UXS1: variants seen among roughly 807,000 people sequenced by gnomAD.
UXS1 encodes the protein UDP-glucuronic acid decarboxylase 1.
In UXS1, 33 loss-of-function variants were observed where a neutral mutation model predicts 62.6. That is an observed-to-expected ratio of 0.53 (90% CI 0.40 to 0.70). UXS1 has a LOEUF of 0.70. Among genes scored for constraint, UXS1 ranks in the 30% least tolerant of loss-of-function variants. UXS1 has a pLI of 0.00. For missense variants in UXS1, 434 were observed against 556.3 expected, an observed-to-expected ratio of 0.78 and a Z score of 2.21; for synonymous variants, 213 against 206.8, an observed-to-expected ratio of 1.03 and a Z score of -0.26.
chr2:106,106,985 A>AT lies in UXS1; in HGVS notation c.880-2149dup, dbSNP rs199704200. Among the ~76,000 whole-genome samples the AT allele has an allele frequency of 8.9e-3, 1,350 of 151,744 alleles. 8 individuals are homozygous for AT. The highest frequency in any genetic ancestry group is 0.016 in the Non-Finnish European group (1,113 of 67,888). On this transcript the variant is annotated intron_variant, in intron 10 of 14. Coordinates refer to ENST00000283148, the MANE Select transcript of UXS1 (RefSeq NM_001253875.2). ...TTCATAATTTCAGAACTACCTGTAG[A>AT]TTTTTTTTTCTTTTTTCAAACTGTG...
chr2:106,154,081 A>G (rs1222000609), intron 5 of UXS1, among the ~76,000 whole-genome samples: 2 of 152,228 alleles, frequency 1.3e-5, no homozygotes, highest in Non-Finnish European at 1.5e-5. Flanking sequence ...CAGGACACCA[A>G]TAAGTGCATC....
chr2:106,104,900 T>G (rs1677927674), intron 10 of UXS1, 63 bp from the exon 11 acceptor site: 1 of 1,602,524 alleles, frequency 6.2e-7, no homozygotes, highest in African/African-American at 1.3e-5. Context: ...TAGGTGTCCT[T>G]GAAACTCCAG....
At chr2:106,111,599 G>C (rs1678614566) in intron 10 of UXS1, among the ~76,000 whole-genome samples, 1 of 152,200 alleles carries the variant, frequency 6.6e-6, no homozygotes, top group Admixed American at 6.5e-5. Flanking sequence ...GGCCACCTAA[G>C]CTTGGGCAAC....
In UXS1 at chr2:106,128,655, G is replaced by A. The variant is rs180732450; in HGVS notation, c.577+1019C>T. ...TGGTTCTCTTTCTTGCTTGCAGAAG[G>A]CAGACGGTGGGACTTCTTGACCTCC... is the stretch of plus-strand genomic sequence containing the variant. On this transcript the variant is annotated intron_variant, in intron 7 of 14. Coordinates refer to ENST00000283148, the MANE Select transcript of UXS1 (RefSeq NM_001253875.2). Among the ~76,000 whole-genome samples the A allele has an allele frequency of 2.2e-4, 34 of 152,258 alleles. No individual in the cohort carries two copies. In the East Asian group the frequency reaches 6.4e-3, roughly 29 times the overall value.
intron 1 of UXS1, among the ~76,000 whole-genome samples, chr2:106,178,900 A>T (rs188809799): frequency 9.9e-4 from 151 of 152,366 alleles, no homozygotes; most frequent in African/African-American, 3.6e-3. Flanking sequence ...CTTCCTGACC[A>T]AGAAATAATC....
At chr2:106,148,057 CACCCAG>C (rs1681710448) in intron 5 of UXS1, among the ~76,000 whole-genome samples, 1 of 152,178 alleles carries the variant, frequency 6.6e-6, no homozygotes, top group South Asian at 2.1e-4. Flanking sequence ...AAGAAACTGA[CACCCAG>C]AGAAGTTACG....
At chr2:106,168,543 A>T (rs930588230) in intron 1 of UXS1, among the ~76,000 whole-genome samples, 3 of 152,254 alleles carry the variant, frequency 2.0e-5, no homozygotes, top group Non-Finnish European at 4.4e-5. Context: ...GGAAGATCCA[A>T]GAACCCTCTC....
At chr2:106,146,001 G>A (rs1681531240) in intron 5 of UXS1, among the ~76,000 whole-genome samples, 1 of 152,214 alleles carries the variant, frequency 6.6e-6, no homozygotes. Context: ...CAGCCACAGA[G>A]CACGATGAGG....
chr2:106,153,476 T>A (rs191739850), intron 5 of UXS1, among the ~76,000 whole-genome samples: 157 of 152,080 alleles, frequency 1.0e-3, no homozygotes, highest in Non-Finnish European at 2.0e-3. Context: ...CACACTGGAG[T>A]GGCGGGGACG....
chr2:106,096,658 A>C (rs1677135469), intron 14 of UXS1, 60 bp downstream of exon 14: 1 of 1,450,230 alleles, frequency 6.9e-7, no homozygotes, highest in African/African-American at 1.4e-5. Flanking sequence ...CCTACAGGAC[A>C]GCAGACACAG....
intron 1 of UXS1, among the ~76,000 whole-genome samples, chr2:106,193,923 C>T (rs1487430647): frequency 6.6e-6 from 1 of 151,918 alleles, no homozygotes; most frequent in African/African-American, 2.4e-5. Context: ...GCCCCTCCGC[C>T]CGGGGTCCGC....
chr2:106,138,606 A>T, intron 6 of UXS1: 1 of 985,566 alleles, frequency 1.0e-6, no homozygotes, highest in South Asian at 4.7e-5. Context: ...CTGAGAGAAG[A>T]GATGAGCGTA....
At chr2:106,107,374 A>G (rs568538746) in intron 10 of UXS1, among the ~76,000 whole-genome samples, 1 of 152,342 alleles carries the variant, frequency 6.6e-6, no homozygotes, top group East Asian at 1.9e-4. Flanking sequence ...CACTCATCAG[A>G]GCAGCGGTGT....
At chr2:106,121,513 C>T (rs894839198) in intron 9 of UXS1, among the ~76,000 whole-genome samples, 2 of 152,156 alleles carry the variant, frequency 1.3e-5, no homozygotes, top group Non-Finnish European at 2.9e-5. Context: ...CAATGATGTA[C>T]CCCTGACACT....
In UXS1 at chr2:106,101,205, A is replaced by C. The variant is rs1348987590; in HGVS notation, c.924-87T>G. Reference sequence around the variant, plus strand: ...ACATAGAAGCCCTCCCAGAAGAAAAATTACCACCCCCAGGAGAAAACAAAA... The same window carrying C: ...ACATAGAAGCCCTCCCAGAAGAAAACTTACCACCCCCAGGAGAAAACAAAA... On this transcript the variant is annotated intron_variant, in intron 11 of 14. Transcript: ENST00000283148. 14 of 1,364,936 alleles carry C rather than the reference A, an allele frequency of 1.0e-5. No individual in the cohort carries two copies. In the East Asian group the frequency reaches 3.4e-4, roughly 33 times the overall value. The allele number at this position is 1,364,936 out of a possible 1,614,324, so 84.6% of individuals were successfully genotyped here.
At chr2:106,175,599 CTG>C (rs1267187837) in intron 1 of UXS1, among the ~76,000 whole-genome samples, 1 of 152,182 alleles carries the variant, frequency 6.6e-6, no homozygotes, top group Admixed American at 6.5e-5. Flanking sequence ...GCCAGTGCTT[CTG>C]CCACATTTGC....
In UXS1 at chr2:106,179,288, G is replaced by A. The variant is rs1247945354; in HGVS notation, c.95-13205C>T. Reference sequence around the variant, plus strand: ...CGCTCTTGCTCTGACTTCAAACCCTGGCTCTTCCCCTGACCCTCTCCACAA... The same window carrying A: ...CGCTCTTGCTCTGACTTCAAACCCTAGCTCTTCCCCTGACCCTCTCCACAA... On this transcript the variant is annotated intron_variant, in intron 1 of 14. Coordinates refer to ENST00000283148, the MANE Select transcript of UXS1 (RefSeq NM_001253875.2). 4.0e-5 allele frequency among the ~76,000 whole-genome samples: 6 copies of A among 151,284 alleles called. No homozygotes were observed. The East Asian group carries it at 1.2e-3, about 29-fold the overall frequency.
At position 106,093,924 on chromosome 2, in the gene UXS1, A is replaced by G. The variant is rs1676859452; in HGVS notation, c.*102T>C. On this transcript the variant is annotated 3_prime_UTR_variant, in exon 15 of 15. Transcript: ENST00000283148. ...AGAATGAAATTCCAGTTTGTTCTTC[A>G]TGACACCTGTTAAAGTCTTTCTTTA... 5.7e-6 allele frequency: 8 copies of G among 1,411,108 alleles called. No individual in the cohort carries two copies. In the East Asian group the frequency reaches 1.0e-4, roughly 18 times the overall value. 87.4% of individuals were successfully genotyped at this position (1,411,108 alleles called of 1,614,324 possible). A position where few individuals can be genotyped will look rare whatever the true frequency, so the allele number is the denominator to read the frequency against.
At position 106,156,228 on chromosome 2, in the gene UXS1, A is replaced by C. The variant is rs935980461; in HGVS notation, c.291+1830T>G. 3.9e-5 allele frequency among the ~76,000 whole-genome samples: 6 copies of C among 152,242 alleles called. 1 individual carries two copies. The East Asian group carries it at 1.2e-3, about 29-fold the overall frequency. On this transcript the variant is annotated intron_variant, in intron 5 of 14. Transcript: ENST00000283148. ...TAACCCAATTAAAGAATAGGATAAT[A>C]TCTAATAGAAATTTCTCCAAAGAAG...
Sources: gnomAD v4.1 joint callset for allele counts (sites outside exome capture counted in the v4.1 genomes callset) on GRCh38, gnomAD v4.1.1 for gene constraint, MANE v1.5 for transcripts, NCBI Gene and HGNC (gene_info 2026-07-23, HGNC 2026-07-21) for gene names.